Variants in LHFPL3 observed in about 807,000 individuals in gnomAD.
The protein encoded by LHFPL3 is LHFPL tetraspan subfamily member 3, also known as LHFPL tetraspan subfamily member 3 protein.
LHFPL3 carries 5 observed loss-of-function variants against 19.3 expected under a neutral mutation model. That is an observed-to-expected ratio of 0.26 (90% CI 0.14 to 0.54). The LOEUF (loss-of-function observed/expected upper bound fraction) is 0.54. Ranked by LOEUF, LHFPL3 falls within the 20% of genes least tolerant of loss-of-function variation. The pLI, the probability that LHFPL3 is intolerant of heterozygous loss-of-function variation, is 0.94. For missense variants in LHFPL3, 249 were observed against 307.4 expected, an observed-to-expected ratio of 0.81 and a Z score of 1.42; for synonymous variants, 133 against 126.2, an observed-to-expected ratio of 1.05 and a Z score of -0.36.
chr7:104,752,310 G>GGGAT (rs1406890014), intron 2 of LHFPL3, among the ~76,000 whole-genome samples: 1 of 152,010 alleles, frequency 6.6e-6, no homozygotes, highest in Non-Finnish European at 1.5e-5. Flanking sequence ...GTTTCTTTCT[G>GGGAT]GGATTTTTTC....
intron 2 of LHFPL3, among the ~76,000 whole-genome samples, chr7:104,885,881 C>A (rs1303923812): frequency 6.6e-6 from 1 of 152,066 alleles, no homozygotes; most frequent in Non-Finnish European, 1.5e-5. Context: ...ACCCTGATGG[C>A]CCATCTCCTA....
intron 1 of LHFPL3, among the ~76,000 whole-genome samples, chr7:104,406,251 T>A (rs1448967502): frequency 6.6e-6 from 1 of 152,196 alleles, no homozygotes; most frequent in African/African-American, 2.4e-5. Flanking sequence ...TGGAGAACAC[T>A]GTGAGCCCCA....
At chr7:104,696,438 G>T (rs1208859810) in intron 1 of LHFPL3, among the ~76,000 whole-genome samples, 15 of 67,860 alleles carry the variant, frequency 2.2e-4, no homozygotes, top group African/African-American at 7.7e-4. Context: ...AATAAAAAGT[G>T]TTACTAGGTG....
intron 1 of LHFPL3, among the ~76,000 whole-genome samples, chr7:104,409,478 T>C (rs1389807869): frequency 3.3e-5 from 5 of 152,104 alleles, no homozygotes; most frequent in African/African-American, 2.4e-5. Context: ...TAGCTGGGCA[T>C]GGTGGTGCAC....
intron 1 of LHFPL3, among the ~76,000 whole-genome samples, chr7:104,578,277 T>C (rs889797627): frequency 2.6e-5 from 4 of 152,238 alleles, no homozygotes; most frequent in Non-Finnish European, 4.4e-5. Context: ...TTAGCTGCGC[T>C]GTGATGGGCC....
chr7:104,744,737 C>G (rs1794007587), intron 2 of LHFPL3, among the ~76,000 whole-genome samples: 1 of 152,184 alleles, frequency 6.6e-6, no homozygotes, highest in African/African-American at 2.4e-5. Flanking sequence ...TGTCAGTAGC[C>G]TTTTCACAGT....
At chr7:104,868,740 A>G (rs900406956) in intron 2 of LHFPL3, among the ~76,000 whole-genome samples, 13 of 152,164 alleles carry the variant, frequency 8.5e-5, no homozygotes, top group Admixed American at 1.3e-4. Context: ...AAGTTCATAT[A>G]GAACCAAAAA....
At chr7:104,590,669 G>C (rs957290490) in intron 1 of LHFPL3, among the ~76,000 whole-genome samples, 4 of 152,170 alleles carry the variant, frequency 2.6e-5, no homozygotes, top group African/African-American at 7.2e-5. Flanking sequence ...GGATATCCCT[G>C]TTAACTTTCT....
chr7:104,331,849 C>A (rs1801572852), intron 1 of LHFPL3, among the ~76,000 whole-genome samples: 1 of 151,716 alleles, frequency 6.6e-6, no homozygotes, highest in Non-Finnish European at 1.5e-5. Flanking sequence ...ACTTGGGAGG[C>A]TGAGGCAGGA....
At chr7:104,659,407 T>C (rs992130737) in intron 1 of LHFPL3, among the ~76,000 whole-genome samples, 6 of 152,186 alleles carry the variant, frequency 3.9e-5, no homozygotes, top group South Asian at 2.1e-4. Flanking sequence ...CAGACTTCCA[T>C]TGTTGTTCGG....
chr7:104,644,250 C>T (rs1451754495), intron 1 of LHFPL3, among the ~76,000 whole-genome samples: 1 of 152,174 alleles, frequency 6.6e-6, no homozygotes, highest in Admixed American at 6.5e-5. Flanking sequence ...TGATCGATCC[C>T]ATGGCTATAG....
intron 1 of LHFPL3, among the ~76,000 whole-genome samples, chr7:104,340,528 A>G (rs1251119983): frequency 6.6e-6 from 1 of 152,216 alleles, no homozygotes; most frequent in African/African-American, 2.4e-5. Context: ...TACTACTACT[A>G]AAGAGATCAG....
intron 1 of LHFPL3, among the ~76,000 whole-genome samples, chr7:104,382,449 A>T (rs1457838209): frequency 6.6e-6 from 1 of 152,158 alleles, no homozygotes; most frequent in Non-Finnish European, 1.5e-5. Context: ...GATGCTTTTG[A>T]TACATGCTCA....
At chr7:104,794,775 A>G (rs1226132772) in intron 2 of LHFPL3, among the ~76,000 whole-genome samples, 1 of 152,202 alleles carries the variant, frequency 6.6e-6, no homozygotes, top group Admixed American at 6.5e-5. Context: ...CGTCACTTAG[A>G]AGTTGCCAAT....
chr7:104,356,332 A>T (rs773580564), intron 1 of LHFPL3, among the ~76,000 whole-genome samples: 1 of 152,212 alleles, frequency 6.6e-6, no homozygotes, highest in Non-Finnish European at 1.5e-5. Context: ...GAAAGGGGTA[A>T]CAACTTTAAC....
chr7:104,845,502 T>C, intron 2 of LHFPL3: 2 of 1,497,362 alleles, frequency 1.3e-6, no homozygotes, highest in Middle Eastern at 1.7e-4. Context: ...GCATGTTTTC[T>C]CCGCTGTTTT....
intron 1 of LHFPL3, among the ~76,000 whole-genome samples, chr7:104,422,078 A>G (rs969350145): frequency 4.6e-5 from 7 of 152,158 alleles, no homozygotes; most frequent in African/African-American, 1.7e-4. Flanking sequence ...AATACATTTC[A>G]GGCCGGGTGC....
At chr7:104,679,471 C>G (rs555251355) in intron 1 of LHFPL3, among the ~76,000 whole-genome samples, 137 of 152,338 alleles carry the variant, frequency 9.0e-4, no homozygotes, top group African/African-American at 3.2e-3. Flanking sequence ...CTCTCAAAGG[C>G]TGTATCAAGG....
chr7:104,565,367 G>GA (rs1450919162), intron 1 of LHFPL3, among the ~76,000 whole-genome samples: 5 of 152,284 alleles, frequency 3.3e-5, no homozygotes, highest in East Asian at 3.9e-4. Flanking sequence ...TAATGCATGA[G>GA]AAAAAATGTT....
Sources: gnomAD v4.1 joint callset for allele counts (sites outside exome capture counted in the v4.1 genomes callset) on GRCh38, gnomAD v4.1.1 for gene constraint, MANE v1.5 for transcripts, NCBI Gene and HGNC (gene_info 2026-07-23, HGNC 2026-07-21) for gene names.